Variants in NHSL1 observed in about 807,000 individuals in gnomAD.
The protein encoded by NHSL1 is NHS like 1.
Under a neutral mutation model 95.0 loss-of-function variants are expected in NHSL1, and 48 were observed. The observed-to-expected ratio is 0.51, with a 90% CI of 0.40 to 0.64. The LOEUF (loss-of-function observed/expected upper bound fraction) is 0.64, where lower values mean the gene tolerates loss of function less well. Among genes scored for constraint, NHSL1 ranks in the 30% least tolerant of loss-of-function variants. The pLI is 0.00. For missense variants in NHSL1, 1,971 were observed against 2,077.7 expected (o/e 0.95, Z 1.00); for synonymous variants, 783 against 833.9 (o/e 0.94, Z 1.05).
chr6:138,483,138 T>C (rs1779526834), intron 2 of NHSL1, among the ~76,000 whole-genome samples: 1 of 152,178 alleles, frequency 6.6e-6, no homozygotes. Context: ...CAACATGATA[T>C]CCATTTAGGG....
chr6:138,506,699 T>G (rs760277337), intron 1 of NHSL1, among the ~76,000 whole-genome samples: 19 of 152,176 alleles, frequency 1.2e-4, no homozygotes, highest in Non-Finnish European at 2.5e-4. Context: ...AGTAAGAGTT[T>G]GATAGGAGTA....
chr6:138,499,714 A>G (rs539000999), upstream of NHSL1, among the ~76,000 whole-genome samples: 1 of 152,316 alleles, frequency 6.6e-6, no homozygotes, highest in South Asian at 2.1e-4. Flanking sequence ...GGAAGTCAAG[A>G]TGAAACAAAT....
In NHSL1 at chr6:138,422,137, T is replaced by C. The variant is rs1774959680; in HGVS notation, c.*1944A>G. The stretch of plus-strand genomic sequence containing the variant: ...TTAAAAATAGTTTTATAATTAGTGT[T>C]ATGTTGCTTTATCTTATCTTTGCAT... On this transcript the variant is annotated 3_prime_UTR_variant, in exon 8 of 8. Coordinates refer to ENST00000343505, the MANE Select transcript of NHSL1 (RefSeq NM_001144060.2). 1 of 152,264 alleles carries C rather than the reference T, an allele frequency of 6.6e-6. No homozygotes were observed. The highest frequency in any genetic ancestry group is 6.5e-5 in the Admixed American group (1 of 15,286). 9.4% of individuals were successfully genotyped at this position (152,264 alleles called of 1,614,324 possible).
chr6:138,478,586 C>T (rs374923298), intron 2 of NHSL1, among the ~76,000 whole-genome samples: 12 of 152,200 alleles, frequency 7.9e-5, no homozygotes, highest in African/African-American at 2.2e-4. Flanking sequence ...CAAGCCATCA[C>T]GAATAAGCAA....
In NHSL1 at chr6:138,432,961, C is replaced by T; in HGVS notation, c.1384G>A (p.Gly462Ser). The change falls in exon 6 of 8, where the codon GGT (glycine) becomes AGT (serine). Residue 462 changes from glycine to serine, a missense_variant. By Grantham distance (56) the Gly-to-Ser change is moderately conservative. Coordinates refer to ENST00000343505, the MANE Select transcript of NHSL1 (RefSeq NM_001144060.2). This position sits in a 1 kb window ranked among gnomAD's most constrained non-coding sequence, Gnocchi z 4.4. The stretch of plus-strand genomic sequence containing the variant: ...TGGCGACCGGGAGACTGAGGATCAC[C>T]TTTCACAGCATGCCTGGAGATGAGG... ...DHLISRHAVK[G>S]DPQSPGRHWN... 6.4e-7 allele frequency: 1 copy of T among 1,551,460 alleles called. No individual in the cohort carries two copies. Among genetic ancestry groups the T allele is most frequent in the Non-Finnish European group, 8.7e-7 (1 of 1,146,802 alleles).
chr6:138,483,821 G>A (rs914436167), intron 2 of NHSL1, among the ~76,000 whole-genome samples: 4 of 152,148 alleles, frequency 2.6e-5, no homozygotes, highest in Non-Finnish European at 4.4e-5. Flanking sequence ...GCTGGTGCTC[G>A]GTGAGTTCCT....
intron 1 of NHSL1, among the ~76,000 whole-genome samples, chr6:138,686,033 G>T (rs915980714): frequency 6.6e-6 from 1 of 152,106 alleles, no homozygotes; most frequent in African/African-American, 2.4e-5. Context: ...GTAGGAAGAA[G>T]GTATTGGAGA....
chr6:138,635,348 A>C (rs897862018), intron 1 of NHSL1, among the ~76,000 whole-genome samples: 1 of 152,234 alleles, frequency 6.6e-6, no homozygotes, highest in Admixed American at 6.5e-5. Context: ...CAGATATGAA[A>C]AATGAGACAT....
At chr6:138,692,717 G>A, upstream of NHSL1, 1 of 151,658 alleles carries the variant, frequency 6.6e-6, no homozygotes, top group Non-Finnish European at 1.5e-5. This position sits in a 1 kb window ranked among gnomAD's most constrained non-coding sequence, Gnocchi z 4.0. Context: ...CCGCCGCCTC[G>A]GGCCGGCGCA....
chr6:138,682,782 C>T (rs1206834989), intron 1 of NHSL1, among the ~76,000 whole-genome samples: 1 of 152,134 alleles, frequency 6.6e-6, no homozygotes, highest in Non-Finnish European at 1.5e-5. Flanking sequence ...CACCCGGCTG[C>T]GCTGACTCAG....
At chr6:138,639,797 C>CAAAAA (rs56909767) in intron 1 of NHSL1, among the ~76,000 whole-genome samples, 5 of 22,576 alleles carry the variant, frequency 2.2e-4, no homozygotes, top group African/African-American at 3.5e-4. Flanking sequence ...GACTCAGTCT[C>CAAAAA]AAAAAAAAAA....
At chr6:138,600,345 T>G (rs1341158241) in intron 1 of NHSL1, among the ~76,000 whole-genome samples, 1 of 152,204 alleles carries the variant, frequency 6.6e-6, no homozygotes, top group Admixed American at 6.5e-5. Context: ...GGGATCCTCC[T>G]GCCTTAGCCT....
chr6:138,486,679 T>G (rs562627709), intron 2 of NHSL1, among the ~76,000 whole-genome samples: 1 of 152,180 alleles, frequency 6.6e-6, no homozygotes, highest in African/African-American at 2.4e-5. Context: ...ATCTCTCTCC[T>G]GTGTTTTAGG....
At chr6:138,549,648 G>A (rs1782928202), upstream of NHSL1, among the ~76,000 whole-genome samples, 1 of 152,190 alleles carries the variant, frequency 6.6e-6, no homozygotes, top group Non-Finnish European at 1.5e-5. Context: ...TTGTTACAGT[G>A]ACTCTAGGGA....
intron 1 of NHSL1, among the ~76,000 whole-genome samples, chr6:138,629,369 ATTTC>A (rs1216947590): frequency 9.4e-5 from 14 of 149,120 alleles, no homozygotes; most frequent in South Asian, 2.2e-4. Context: ...TTACATCAGT[ATTTC>A]TTTCTTTCTT....
intron 1 of NHSL1, among the ~76,000 whole-genome samples, chr6:138,689,007 C>T (rs1032384655): frequency 6.6e-6 from 1 of 152,050 alleles, no homozygotes; most frequent in African/African-American, 2.4e-5. Flanking sequence ...TTAGTAGGGA[C>T]GGGGTTTCAA....
intron 1 of NHSL1, among the ~76,000 whole-genome samples, chr6:138,511,304 G>C (rs552270157): frequency 3.9e-4 from 59 of 152,148 alleles, no homozygotes; most frequent in South Asian, 2.5e-3. Flanking sequence ...GCATTGTAAA[G>C]GCAGGTATGG....
chr6:138,610,379 G>A (rs1320149547), intron 1 of NHSL1, among the ~76,000 whole-genome samples: 1 of 151,762 alleles, frequency 6.6e-6, no homozygotes, highest in East Asian at 1.9e-4. Flanking sequence ...ATCACACACC[G>A]GGGCCTGTAG....
At chr6:138,519,174 GA>G (rs746455536) in intron 1 of NHSL1, among the ~76,000 whole-genome samples, 10 of 142,042 alleles carry the variant, frequency 7.0e-5, no homozygotes, top group Middle Eastern at 3.8e-3. Flanking sequence ...GAATGACACA[GA>G]AAAAAAAAAG....
Sources: allele counts gnomAD v4.1 joint callset (sites outside exome capture counted in the v4.1 genomes callset), GRCh38; gene constraint gnomAD v4.1.1; non-coding constraint Gnocchi (gnomAD v3.1); transcripts MANE v1.5; gene names NCBI Gene and HGNC (gene_info 2026-07-23, HGNC 2026-07-21).